UNC119B: variants seen among roughly 807,000 people sequenced by gnomAD.
The protein encoded by UNC119B is unc-119 lipid binding chaperone B.
Under a neutral mutation model 23.4 loss-of-function variants are expected in UNC119B, and 16 were observed. That is an observed-to-expected ratio of 0.68 (90% confidence interval 0.46 to 1.04). UNC119B has a LOEUF of 1.04. UNC119B is among the 50% of genes least tolerant of loss of function. The probability of loss-of-function intolerance (pLI) is 0.00; values close to 1 mark genes in which losing one functional copy is unlikely to be tolerated. For synonymous variants in UNC119B, 144 were observed against 145.4 expected (o/e 0.99, Z 0.07); for missense variants, 350 against 361.3 (o/e 0.97, Z 0.25).
intron 4 of UNC119B, 68 bp downstream of exon 4, chr12:120,717,110 A>T (rs2136931671): frequency 6.8e-7 from 1 of 1,468,304 alleles, no homozygotes; most frequent in South Asian, 1.4e-5. Context: ...CTTGAAACCC[A>T]TCTGGTCCAG....
chr12:120,710,795 G>A, intron 1 of UNC119B, 77 bp downstream of exon 1: 1 of 1,253,608 alleles, frequency 8.0e-7, no homozygotes, highest in Non-Finnish European at 1.0e-6. Flanking sequence ...CCGGCCACTT[G>A]ACCAGCGCGG....
rs1337010274 is a variant in UNC119B, at chr12:120,723,563, A to C, written c.*3531A>C. On this transcript the variant is annotated 3_prime_UTR_variant, in exon 5 of 5. Coordinates refer to ENST00000344651, the MANE Select transcript of UNC119B (RefSeq NM_001080533.3). ...CCAGTTTTTATTGTCTTTGTGTCCA[A>C]AGTAAACTAGGTGACTTATTTGTAT... 1 of 152,192 alleles carries C rather than the reference A, an allele frequency of 6.6e-6. No homozygotes were observed. The highest frequency in any genetic ancestry group is 1.5e-5 in the Non-Finnish European group (1 of 68,032). 9.4% of individuals were successfully genotyped at this position (152,192 alleles called of 1,614,324 possible).
chr12:120,719,223 G>A (rs1282760894), intron 4 of UNC119B, among the ~76,000 whole-genome samples: 3 of 152,104 alleles, frequency 2.0e-5, no homozygotes, highest in Non-Finnish European at 4.4e-5. Context: ...ACTCAAAATG[G>A]CATGTAATCA....
rs761257123 is a variant in UNC119B, at chr12:120,720,062, T to C, written c.*30T>C. 12 of 1,521,544 alleles carry C rather than the reference T, an allele frequency of 7.9e-6. No individual in the cohort carries two copies. The South Asian group carries it at 7.9e-5, about 10-fold the overall frequency. The allele number at this position is 1,521,544 out of a possible 1,614,324, so 94.3% of individuals were successfully genotyped here. On this transcript the variant is annotated 3_prime_UTR_variant, in exon 5 of 5. Transcript: ENST00000344651. ...TGCAAGAGTAGATAGGGGAGGTGCT[T>C]TGCCGCGGCCACAAGATCCTGGCAC...
chr12:120,715,867 G>A (rs1005671676), intron 2 of UNC119B, among the ~76,000 whole-genome samples: 4 of 152,086 alleles, frequency 2.6e-5, no homozygotes, highest in Non-Finnish European at 4.4e-5. Context: ...CATCTCCTGG[G>A]TTCAGGAATG....
At chr12:120,710,814 G>C (rs1882647441) in intron 1 of UNC119B, 96 bp downstream of exon 1, 2 of 1,176,586 alleles carry the variant, frequency 1.7e-6, no homozygotes, top group Non-Finnish European at 2.1e-6. Context: ...GGGGGTCCCC[G>C]CCAGACCCCC....
intron 1 of UNC119B, among the ~76,000 whole-genome samples, chr12:120,711,933 A>G (rs695949): frequency 0.47 from 71,835 of 152,078 alleles, 17,235 homozygotes; most frequent in South Asian, 0.63. Flanking sequence ...CCAGACCTGA[A>G]CGTATCTTTA....
chr12:120,715,209 T>A (rs1882751424), intron 2 of UNC119B, among the ~76,000 whole-genome samples: 1 of 152,086 alleles, frequency 6.6e-6, no homozygotes, highest in Admixed American at 6.6e-5. Flanking sequence ...TCAATAAATA[T>A]AAACAACAGA....
intron 2 of UNC119B, 111 bp downstream of exon 2, chr12:120,713,498 T>C (rs1882711826): frequency 1.3e-6 from 1 of 773,842 alleles, no homozygotes; most frequent in South Asian, 1.7e-5. Context: ...TGTGTCCCAC[T>C]TCTGTGACCT....
rs754868516 is a variant in UNC119B at position 120,715,334 on chromosome 12, G to T, written c.359-1294G>T. Among the ~76,000 whole-genome samples the T allele has an allele frequency of 2.6e-5, 4 of 152,156 alleles. 1 individual carries two copies. The highest frequency in any genetic ancestry group is 2.6e-4 in the Admixed American group (4 of 15,282). On this transcript the variant is annotated intron_variant, in intron 2 of 4. Transcript: ENST00000344651. ...TTGGAGCCAGGGTTTTAGAGTCTCT[G>T]GGGGTGAACCCCTACTCAGCCTGGT...
At chr12:120,719,834 G>A in intron 4 of UNC119B, 86 bp from the exon 5 acceptor site, 1 of 873,154 alleles carries the variant, frequency 1.1e-6, no homozygotes, top group South Asian at 1.5e-5. Flanking sequence ...TTTTGGAGGG[G>A]ATGCAAAGTT....
chr12:120,710,525 C>T lies in UNC119B; in HGVS notation c.51C>T (p.Pro17=), dbSNP rs1555241532. ...KAAAAASAAG[P]GGLVAGKEEK... The stretch of plus-strand genomic sequence containing the variant: ...CGGCCGCGGCGTCGGCGGCTGGGCC[C>T]GGGGGGCTGGTGGCTGGCAAGGAGG... The change falls in exon 1 of 5, where the codon CCC becomes CCT. Residue 17 remains proline (P), a synonymous_variant. Coordinates refer to ENST00000344651, the MANE Select transcript of UNC119B (RefSeq NM_001080533.3). 2 of 1,369,832 alleles carry T rather than the reference C, an allele frequency of 1.5e-6. No individual in the cohort carries two copies. The highest frequency in any genetic ancestry group is 3.6e-5 in the Admixed American group (1 of 27,618). 84.9% of individuals were successfully genotyped at this position (1,369,832 alleles called of 1,614,324 possible).
At chr12:120,712,330 G>A (rs1882687293) in intron 1 of UNC119B, among the ~76,000 whole-genome samples, 1 of 152,162 alleles carries the variant, frequency 6.6e-6, no homozygotes, top group Non-Finnish European at 1.5e-5. Flanking sequence ...TGTCAAGTTT[G>A]TCGTCTTAAT....
At chr12:120,710,888 G>A in intron 1 of UNC119B, 170 bp downstream of exon 1, 1 of 553,770 alleles carries the variant, frequency 1.8e-6, no homozygotes, top group Non-Finnish European at 2.6e-6. Context: ...CCACGCTCAC[G>A]TAGCTCTGGT....
chr12:120,710,880 A>G (rs1015127046), intron 1 of UNC119B, 162 bp downstream of exon 1: 11 of 596,912 alleles, frequency 1.8e-5, no homozygotes, highest in Non-Finnish European at 2.6e-5. Flanking sequence ...TGCTCCCGCC[A>G]CGCTCACGTA....
chr12:120,718,793 C>T (rs1183466861), intron 4 of UNC119B, among the ~76,000 whole-genome samples: 2 of 152,166 alleles, frequency 1.3e-5, no homozygotes, highest in Non-Finnish European at 2.9e-5. Flanking sequence ...CTCAGAATCC[C>T]AGGTCCTTAA....
intron 2 of UNC119B, 68 bp downstream of exon 2, chr12:120,713,455 G>A: frequency 8.6e-7 from 1 of 1,160,188 alleles, no homozygotes; most frequent in Non-Finnish European, 1.3e-6. Flanking sequence ...TCAAATCTTT[G>A]TGTGCCACTG....
intron 2 of UNC119B, among the ~76,000 whole-genome samples, chr12:120,715,369 G>A (rs921527444): frequency 2.0e-5 from 3 of 152,116 alleles, no homozygotes; most frequent in East Asian, 1.9e-4. Context: ...TTGCCCAGTC[G>A]CTCTTGGGCT....
rs1351629523 is a variant in UNC119B at position 120,710,540 on chromosome 12, T to C, written c.66T>C (p.Ala22=). The C allele has an allele frequency of 1.4e-6, 2 of 1,381,530 alleles. No homozygotes were observed. The highest frequency in any genetic ancestry group is 1.9e-6 in the Non-Finnish European group (2 of 1,073,964). The allele number at this position is 1,381,530 out of a possible 1,614,324, so 85.6% of individuals were successfully genotyped here. The change falls in exon 1 of 5, where the codon GCT becomes GCC. Residue 22 remains alanine (A), a synonymous_variant. Coordinates refer to ENST00000344651, the MANE Select transcript of UNC119B (RefSeq NM_001080533.3). ...CGGCTGGGCCCGGGGGGCTGGTGGCTGGCAAGGAGGAGAAGAAGAAGGCGG... is the reference window on the plus strand; with the variant it reads ...CGGCTGGGCCCGGGGGGCTGGTGGCCGGCAAGGAGGAGAAGAAGAAGGCGG... ...ASAAGPGGLV[A]GKEEKKKAGG... is the part of the protein sequence containing the mutation.
Sources: gnomAD v4.1 joint callset for allele counts (sites outside exome capture counted in the v4.1 genomes callset) on GRCh38, gnomAD v4.1.1 for gene constraint, MANE v1.5 for transcripts, NCBI Gene and HGNC (gene_info 2026-07-23, HGNC 2026-07-21) for gene names.